MSRA: variants seen among roughly 807,000 people sequenced by gnomAD.
The protein encoded by MSRA is methionine sulfoxide reductase A, also known as mitochondrial peptide methionine sulfoxide reductase.
In MSRA, 54 loss-of-function variants were observed where a neutral mutation model predicts 31.3. The observed-to-expected ratio is 1.73, with a 90% CI of 1.39 to 2.17. MSRA has a LOEUF of 2.17. MSRA is among the 30% of genes most tolerant of loss of function. The probability of loss-of-function intolerance (pLI) is 0.00; values close to 1 mark genes in which losing one functional copy is unlikely to be tolerated. For missense variants in MSRA, 507 were observed against 300.9 expected (o/e 1.69, Z -5.07); for synonymous variants, 169 against 116.5 (o/e 1.45, Z -2.90).
intron 1 of MSRA, among the ~76,000 whole-genome samples, chr8:10,085,150 C>G (rs1395995127): frequency 1.3e-5 from 2 of 152,162 alleles, no homozygotes; most frequent in Non-Finnish European, 2.9e-5. Context: ...CTTAGCTAGC[C>G]TGGGGCTCTT....
intron 5 of MSRA, among the ~76,000 whole-genome samples, chr8:10,388,291 T>C (rs980785197): frequency 6.6e-6 from 1 of 152,200 alleles, no homozygotes; most frequent in Non-Finnish European, 1.5e-5. Context: ...CTTGAGGCTG[T>C]GCCTTCTCCC....
intron 1 of MSRA, among the ~76,000 whole-genome samples, chr8:10,189,580 A>G (rs1221148628): frequency 6.6e-6 from 1 of 152,170 alleles, no homozygotes; most frequent in Non-Finnish European, 1.5e-5. Flanking sequence ...TTTTTGTAGC[A>G]TTTATTGAGT....
rs570147124 is a variant in MSRA, at chr8:10,291,309, A to G, written c.332-10225A>G. Among the ~76,000 whole-genome samples, 19 of 152,334 alleles carry G rather than the reference A, an allele frequency of 1.2e-4. No individual in the cohort carries two copies. In the South Asian group the frequency reaches 3.9e-3, roughly 32 times the overall value. ...CCCCATGGCGGGCCAACAACAACAA[A>G]AAATTCACAATTGCTCCACCAGTAT... On this transcript the variant is annotated intron_variant, in intron 3 of 5. Coordinates refer to ENST00000317173, the MANE Select transcript of MSRA (RefSeq NM_012331.5).
At chr8:10,107,671 A>G (rs370893173) in intron 1 of MSRA, among the ~76,000 whole-genome samples, 3 of 152,320 alleles carry the variant, frequency 2.0e-5, no homozygotes, top group East Asian at 3.9e-4. Flanking sequence ...AAGAAAAATG[A>G]GTTTTACTTC....
chr8:10,280,123 CT>C (rs1409971895), intron 3 of MSRA, among the ~76,000 whole-genome samples: 2 of 151,908 alleles, frequency 1.3e-5, no homozygotes, highest in African/African-American at 2.4e-5. Flanking sequence ...TTTTTCTTAT[CT>C]TTTTAGGCTT....
At chr8:10,098,047 T>G (rs886929824) in intron 1 of MSRA, among the ~76,000 whole-genome samples, 2 of 152,164 alleles carry the variant, frequency 1.3e-5, no homozygotes. Flanking sequence ...AAAAAAAGTG[T>G]GATTAAGAAG....
chr8:10,376,018 T>C (rs1805737015), intron 5 of MSRA, among the ~76,000 whole-genome samples: 1 of 152,186 alleles, frequency 6.6e-6, no homozygotes, highest in African/African-American at 2.4e-5. Flanking sequence ...CCGGTCAGGT[T>C]CAGGACTTTC....
At chr8:10,180,056 C>A (rs1343929631) in intron 1 of MSRA, among the ~76,000 whole-genome samples, 1 of 152,164 alleles carries the variant, frequency 6.6e-6, no homozygotes, top group Non-Finnish European at 1.5e-5. Context: ...TGGAATTAGA[C>A]CCCACAGCTT....
At chr8:10,252,367 A>G (rs1797961473) in intron 3 of MSRA, among the ~76,000 whole-genome samples, 1 of 152,108 alleles carries the variant, frequency 6.6e-6, no homozygotes, top group Non-Finnish European at 1.5e-5. Flanking sequence ...ATGTGAAGAG[A>G]TCATAGTTTT....
At chr8:10,076,139 AACAG>A (rs1395284868) in intron 1 of MSRA, among the ~76,000 whole-genome samples, 5 of 152,180 alleles carry the variant, frequency 3.3e-5, no homozygotes, top group African/African-American at 1.2e-4. Flanking sequence ...TCATTTGTAA[AACAG>A]ACAGTCGCTA....
At chr8:10,293,126 G>T (rs1800336151) in intron 3 of MSRA, among the ~76,000 whole-genome samples, 1 of 152,190 alleles carries the variant, frequency 6.6e-6, no homozygotes, top group Non-Finnish European at 1.5e-5. Context: ...AAGGGTGGCT[G>T]CAATGCTGAC....
chr8:10,059,609 TA>T (rs1802592551), intron 1 of MSRA, among the ~76,000 whole-genome samples: 1 of 152,158 alleles, frequency 6.6e-6, no homozygotes, highest in South Asian at 2.1e-4. Context: ...GTAAGACTGA[TA>T]AATTAGATTA....
At position 10,368,524 on chromosome 8, in the gene MSRA, C is replaced by A. The variant is rs184597251; in HGVS notation, c.543+48535C>A. Among the ~76,000 whole-genome samples, 504 of 152,358 alleles carry A rather than the reference C, an allele frequency of 3.3e-3. 3 individuals are homozygous for A. Among genetic ancestry groups the A allele is most frequent in the African/African-American group, 0.012 (479 of 41,576 alleles). ...AGGCAGCAGAGGGGCCGGGAGGCGA[C>A]TCATGGCCAACACCGGAGTGGGGTG... On this transcript the variant is annotated intron_variant, in intron 5 of 5. Coordinates refer to ENST00000317173, the MANE Select transcript of MSRA (RefSeq NM_012331.5).
intron 3 of MSRA, 75 bp downstream of exon 3, chr8:10,245,298 C>G (rs956763316): frequency 1.5e-6 from 2 of 1,339,926 alleles, no homozygotes; most frequent in Non-Finnish European, 2.1e-6. Flanking sequence ...GTGACAGGCT[C>G]TTTAAAATGG....
At chr8:10,130,111 G>A (rs1293904987) in intron 1 of MSRA, among the ~76,000 whole-genome samples, 1 of 152,148 alleles carries the variant, frequency 6.6e-6, no homozygotes, top group African/African-American at 2.4e-5. Flanking sequence ...AGTGCTATTG[G>A]ATGTATCAAG....
rs183788538 is a variant in MSRA at position 10,191,697 on chromosome 8, T to C, written c.143-16136T>C. Among the ~76,000 whole-genome samples, 122 of 152,222 alleles carry C rather than the reference T, an allele frequency of 8.0e-4. 2 individuals carry two copies. The highest frequency in any genetic ancestry group is 2.7e-3 in the African/African-American group (113 of 41,546). ...AATGGGTCATGTTCTAGGGGTCGAT[T>C]TGTAAATCAGTTAGACTGGAAATAT... On this transcript the variant is annotated intron_variant, in intron 1 of 5. Coordinates refer to ENST00000317173, the MANE Select transcript of MSRA (RefSeq NM_012331.5).
At chr8:10,057,747 G>C (rs1316146763) in intron 1 of MSRA, among the ~76,000 whole-genome samples, 2 of 152,158 alleles carry the variant, frequency 1.3e-5, no homozygotes, top group Non-Finnish European at 2.9e-5. Flanking sequence ...CTGCTCCTTT[G>C]TGTGGAGATG....
At chr8:10,086,648 C>T (rs1032247233) in intron 1 of MSRA, among the ~76,000 whole-genome samples, 9 of 152,068 alleles carry the variant, frequency 5.9e-5, no homozygotes, top group Admixed American at 1.3e-4. Context: ...CTTATTGTGG[C>T]GGTTGTTATT....
At chr8:10,269,364 C>G (rs1184914610) in intron 3 of MSRA, among the ~76,000 whole-genome samples, 1 of 152,168 alleles carries the variant, frequency 6.6e-6, no homozygotes, top group Non-Finnish European at 1.5e-5. Flanking sequence ...GAACTTATAG[C>G]AGAATCAGAA....
Sources: gnomAD v4.1 joint callset for allele counts (sites outside exome capture counted in the v4.1 genomes callset) on GRCh38, gnomAD v4.1.1 for gene constraint, MANE v1.5 for transcripts, NCBI Gene and HGNC (gene_info 2026-07-23, HGNC 2026-07-21) for gene names.